Variants in PARVB observed in about 807,000 individuals in gnomAD.
PARVB encodes the protein parvin beta, also known as beta-parvin.
In PARVB, 46 loss-of-function variants were observed where a neutral mutation model predicts 47.0. The observed-to-expected ratio is 0.98, with a 90% CI of 0.77 to 1.25. PARVB has a LOEUF of 1.25. Ranked by LOEUF, PARVB falls within the 50% of genes most tolerant of loss-of-function variation. The pLI is 0.00. For synonymous variants in PARVB, 196 were observed against 196.3 expected (o/e 1.00, Z 0.01); for missense variants, 473 against 471.6 (o/e 1.00, Z -0.03).
intron 6 of PARVB, among the ~76,000 whole-genome samples, chr22:44,133,931 A>G (rs1013128714): frequency 6.6e-6 from 1 of 152,228 alleles, no homozygotes; most frequent in Non-Finnish European, 1.5e-5. Context: ...CTATTCTCTA[A>G]GCACTCAGCA....
At chr22:44,048,440 C>T (rs926251972) in intron 1 of PARVB, among the ~76,000 whole-genome samples, 2 of 152,108 alleles carry the variant, frequency 1.3e-5, no homozygotes, top group African/African-American at 2.4e-5. Flanking sequence ...GGCGTGATCT[C>T]GGCTCACTGC....
intron 8 of PARVB, chr22:44,146,355 A>ACACACATGCACACACGTGCTCGCACACG (rs2053680416): frequency 7.4e-6 from 1 of 135,196 alleles, no homozygotes; most frequent in Non-Finnish European, 1.6e-5. Context: ...GTGCTCACAC[A>ACACACATGCACACACGTGCTCGCACACG]CACACATGCA....
In PARVB at chr22:44,049,630, AT is replaced by A. The variant is rs2051172952; in HGVS notation, c.112+25183del. Among the ~76,000 whole-genome samples the A allele has an allele frequency of 6.6e-6, 1 of 152,120 alleles. No homozygotes were observed. The highest frequency in any genetic ancestry group is 1.5e-5 in the Non-Finnish European group (1 of 68,016). On this transcript the variant is annotated intron_variant, in intron 1 of 12. Coordinates refer to ENST00000338758, the MANE Select transcript of PARVB (RefSeq NM_013327.5). The surrounding 1 kb of genome is among the most constrained non-coding windows in gnomAD (Gnocchi z 4.0). Reference sequence around the variant, plus strand: ...AGCACAGCCCCATTGATTGGCTTTTATTTTCCTCTGTTGCTGGAGTGATCCA... The same window carrying A: ...AGCACAGCCCCATTGATTGGCTTTTATTTCCTCTGTTGCTGGAGTGATCCA...
rs368573314 is a variant in PARVB, at chr22:44,038,442, T to G, written c.112+13991T>G. On this transcript the variant is annotated intron_variant, in intron 1 of 12. Transcript: ENST00000338758. Reference sequence around the variant, plus strand: ...TGTAAAGCCTACTTAACTCATAGGGTCATTAGAGAATTGAGTGAGTTATTA... The same window carrying G: ...TGTAAAGCCTACTTAACTCATAGGGGCATTAGAGAATTGAGTGAGTTATTA... Among the ~76,000 whole-genome samples, 120 of 152,160 alleles carry G rather than the reference T, an allele frequency of 7.9e-4. 1 individual carries two copies. The highest frequency in any genetic ancestry group is 2.7e-3 in the African/African-American group (111 of 41,508).
Position 44,055,676 on chromosome 22 carries a change from C to CTATATATA in PARVB, c.112+31226_112+31227insATATATAT, listed in dbSNP as rs1354059126. Among the ~76,000 whole-genome samples, 229 of 137,814 alleles carry CTATATATA rather than the reference C, an allele frequency of 1.7e-3. 2 individuals carry two copies. The highest frequency in any genetic ancestry group is 4.5e-3 in the African/African-American group (158 of 34,842). 90.4% of individuals were successfully genotyped at this position (137,814 alleles called of 152,430 possible). ...TATCCATCTCTCTCTCTCTCTCTCT[C>CTATATATA]TCTATATATATATATATTTGAAGAG... On this transcript the variant is annotated intron_variant, in intron 1 of 12. Transcript: ENST00000338758.
intron 1 of PARVB, among the ~76,000 whole-genome samples, chr22:44,069,463 AC>A (rs1260583960): frequency 6.6e-6 from 1 of 152,090 alleles, no homozygotes; most frequent in Non-Finnish European, 1.5e-5. Flanking sequence ...ATTCTCAGGC[AC>A]ATGCTGCAAT....
In PARVB at chr22:44,075,899, A is replaced by G. The variant is rs371008541; in HGVS notation, c.113-18029A>G. ...ATAGCCCAGGTGCTGTGGAGTTGGG[A>G]TGGAGCAGTCGAGCTGGGATCAGAG... is the stretch of plus-strand genomic sequence containing the variant. On this transcript the variant is annotated intron_variant, in intron 1 of 12. Coordinates refer to ENST00000338758, the MANE Select transcript of PARVB (RefSeq NM_013327.5). 2.6e-5 allele frequency among the ~76,000 whole-genome samples: 4 copies of G among 152,148 alleles called. No individual in the cohort carries two copies. In the East Asian group the frequency reaches 5.8e-4, roughly 22 times the overall value.
intron 1 of PARVB, among the ~76,000 whole-genome samples, chr22:44,071,902 A>G (rs2051663173): frequency 6.6e-6 from 1 of 152,216 alleles, no homozygotes; most frequent in South Asian, 2.1e-4. Context: ...CCTGGCCCAA[A>G]GCCAGGACCC....
At chr22:44,166,928 C>G (rs1425625383) in intron 12 of PARVB, among the ~76,000 whole-genome samples, 1 of 152,246 alleles carries the variant, frequency 6.6e-6, no homozygotes, top group Non-Finnish European at 1.5e-5. Context: ...CTCCTCTGAG[C>G]TAGGCAGACT....
At chr22:44,100,309 A>G (rs1569112999) in intron 3 of PARVB, among the ~76,000 whole-genome samples, 186 bp downstream of exon 3, 1 of 152,142 alleles carries the variant, frequency 6.6e-6, no homozygotes, top group Non-Finnish European at 1.5e-5. Context: ...CGAAGTGCCA[A>G]GCGCCTCCCA....
chr22:44,087,295 G>C (rs1178622507), intron 1 of PARVB, among the ~76,000 whole-genome samples: 1 of 152,218 alleles, frequency 6.6e-6, no homozygotes, highest in African/African-American at 2.4e-5. Flanking sequence ...AGTCCCCGTA[G>C]GTGGCAAAGC....
intron 1 of PARVB, among the ~76,000 whole-genome samples, chr22:44,059,246 A>G (rs1446929826): frequency 1.3e-5 from 2 of 151,384 alleles, no homozygotes; most frequent in African/African-American, 4.8e-5. Flanking sequence ...GGGTTTCACA[A>G]TGTTGGCCAG....
intron 5 of PARVB, 52 bp downstream of exon 5, chr22:44,131,679 C>A (rs368717873): frequency 6.5e-7 from 1 of 1,528,500 alleles, no homozygotes. Context: ...CCCGTCCTCT[C>A]GACATTCGTC....
At chr22:44,117,746 A>G (rs2052942515) in intron 3 of PARVB, among the ~76,000 whole-genome samples, 1 of 152,184 alleles carries the variant, frequency 6.6e-6, no homozygotes, top group African/African-American at 2.4e-5. Flanking sequence ...AGGGGACGGT[A>G]TATTCTGGAC....
At chr22:43,999,703 G>C (rs1436308012) in intron 2 of PARVB, 1 of 1,538,768 alleles carries the variant, frequency 6.5e-7, no homozygotes, top group Non-Finnish European at 9.0e-7. Flanking sequence ...CTGTCAGAAA[G>C]TGGATGAGGG....
At chr22:44,133,088 C>T (rs2053365657) in intron 6 of PARVB, 79 bp downstream of exon 6, 1 of 912,962 alleles carries the variant, frequency 1.1e-6, no homozygotes, top group Admixed American at 2.4e-5. Flanking sequence ...TTCCTGCCCT[C>T]CCCCTCCTTT....
rs13055008 is a variant in PARVB, at chr22:44,155,300, C to A, written c.844-2682C>A. On this transcript the variant is annotated intron_variant, in intron 10 of 12. Coordinates refer to ENST00000338758, the MANE Select transcript of PARVB (RefSeq NM_013327.5). This position sits in a 1 kb window ranked among gnomAD's most constrained non-coding sequence, Gnocchi z 4.8. ...GGGGTTAGCACTGCGGATGAGGAGG[C>A]GGTGGTGGGGCCTCTGGGCCTCCGT... Among the ~76,000 whole-genome samples the A allele has an allele frequency of 0.31, 47,474 of 151,844 alleles. 7,907 individuals carry two copies. Among genetic ancestry groups the A allele is most frequent in the East Asian group, 0.62 (3,207 of 5,148 alleles).
intron 1 of PARVB, among the ~76,000 whole-genome samples, 159 bp from the exon 2 acceptor site, chr22:44,093,768 AT>A (rs2147045192): frequency 6.6e-6 from 1 of 152,292 alleles, no homozygotes; most frequent in East Asian, 1.9e-4. Flanking sequence ...GGTTCAGAGC[AT>A]TTTTCCCTCT....
chr22:44,082,516 C>T (rs1043650353), intron 1 of PARVB, among the ~76,000 whole-genome samples: 43 of 152,124 alleles, frequency 2.8e-4, no homozygotes, highest in African/African-American at 9.6e-4. Context: ...AAGAGTCCGT[C>T]TCAAAAACAA....
Sources: gnomAD v4.1 joint callset for allele counts (sites outside exome capture counted in the v4.1 genomes callset) on GRCh38, gnomAD v4.1.1 for gene constraint, Gnocchi (gnomAD v3.1) non-coding constraint, MANE v1.5 for transcripts, NCBI Gene and HGNC (gene_info 2026-07-23, HGNC 2026-07-21) for gene names.